Variants in EXD3 observed in about 807,000 individuals in gnomAD.
EXD3 encodes exonuclease mut-7 homolog.
In EXD3, 92 loss-of-function variants were observed where a neutral mutation model predicts 98.0. That is an observed-to-expected ratio of 0.94 (90% CI 0.79 to 1.12). The LOEUF is 1.12. Ranked by LOEUF, EXD3 falls within the 50% of genes most tolerant of loss-of-function variation. The pLI, the probability that EXD3 is intolerant of heterozygous loss-of-function variation, is 0.00. For missense variants in EXD3, 1,222 were observed against 1,191.6 expected, an observed-to-expected ratio of 1.03 and a Z score of -0.38; for synonymous variants, 569 against 526.0, an observed-to-expected ratio of 1.08 and a Z score of -1.12.
intron 1 of EXD3, among the ~76,000 whole-genome samples, chr9:137,406,134 T>G (rs999816341): frequency 6.6e-6 from 1 of 150,632 alleles, no homozygotes; most frequent in Non-Finnish European, 1.5e-5. Flanking sequence ...GAGGACCGCT[T>G]GAGCCCAGGA....
intron 1 of EXD3, among the ~76,000 whole-genome samples, chr9:137,419,802 A>G (rs1378920703): frequency 6.6e-6 from 1 of 152,176 alleles, no homozygotes; most frequent in Admixed American, 6.5e-5. Flanking sequence ...TAGACCAGAT[A>G]AAAACTTCCA....
At chr9:137,370,604 G>GAAA (rs71387830) in intron 5 of EXD3, among the ~76,000 whole-genome samples, 1 of 129,944 alleles carries the variant, frequency 7.7e-6, no homozygotes. Flanking sequence ...CTGCTTTCAG[G>GAAA]AAAAAAAAAA....
intron 3 of EXD3, among the ~76,000 whole-genome samples, chr9:137,377,839 G>A (rs1835997143): frequency 6.8e-6 from 1 of 146,014 alleles, no homozygotes; most frequent in Non-Finnish European, 1.5e-5. Context: ...TGTCGCCCAG[G>A]CTGGAGTGCA....
intron 1 of EXD3, among the ~76,000 whole-genome samples, chr9:137,402,970 G>A (rs28524646): frequency 0.28 from 43,082 of 151,944 alleles, 6,810 homozygotes; most frequent in Admixed American, 0.39. Flanking sequence ...AACAGCATGG[G>A]AAAGACCGGC....
chr9:137,384,930 A>G (rs1187210528), intron 2 of EXD3, among the ~76,000 whole-genome samples: 3 of 152,072 alleles, frequency 2.0e-5, no homozygotes, highest in Non-Finnish European at 4.4e-5. Context: ...TATCTCTACT[A>G]AAACTACAAA....
Position 137,326,112 on chromosome 9 carries a change from C to T in EXD3, c.1999-1969G>A, listed in dbSNP as rs1453890373. ...AAAAAAAAAGACTCTTAGAAGAAGA[C>T]ACAGGGGAACACTTCCTGGCGCTGT... On this transcript the variant is annotated intron_variant, in intron 17 of 21. Transcript: ENST00000340951. 2.7e-5 allele frequency among the ~76,000 whole-genome samples: 4 copies of T among 149,790 alleles called. No individual in the cohort carries two copies. In the East Asian group the frequency reaches 7.9e-4, roughly 30 times the overall value.
chr9:137,345,320 G>C (rs1360256650), intron 17 of EXD3, among the ~76,000 whole-genome samples: 1 of 152,200 alleles, frequency 6.6e-6, no homozygotes, highest in African/African-American at 2.4e-5. Flanking sequence ...ATCCTTATAT[G>C]AAACAATTAA....
intron 7 of EXD3, among the ~76,000 whole-genome samples, chr9:137,357,766 T>A (rs1834868084): frequency 6.6e-6 from 1 of 150,542 alleles, no homozygotes; most frequent in East Asian, 1.9e-4. Context: ...AAAGGTGAGT[T>A]TATTAAGTAT....
intron 19 of EXD3, among the ~76,000 whole-genome samples, chr9:137,319,324 G>A (rs992517716): frequency 1.3e-5 from 2 of 152,248 alleles, no homozygotes; most frequent in African/African-American, 2.4e-5. Context: ...CTGGGCCTGC[G>A]TGGTCCCGGG....
In EXD3 at chr9:137,385,537, TAA is replaced by T. The variant is rs757297934; in HGVS notation, c.56-2162_56-2161del. ...CAAAAGAGACTTTTATTTTGTTATT[TAA>T]GTTAATATTTTATTTAGAGACGGAG... On this transcript the variant is annotated intron_variant, in intron 2 of 21. Coordinates refer to ENST00000340951, the MANE Select transcript of EXD3 (RefSeq NM_017820.5). This position sits in a 1 kb window ranked among gnomAD's most constrained non-coding sequence, Gnocchi z 4.4. Among the ~76,000 whole-genome samples the T allele has an allele frequency of 1.4e-4, 21 of 152,148 alleles. No individual in the cohort carries two copies. Among genetic ancestry groups the T allele is most frequent in the Non-Finnish European group, 2.6e-4 (18 of 68,036 alleles).
chr9:137,399,423 T>A (rs1009613003), intron 1 of EXD3, among the ~76,000 whole-genome samples: 1 of 152,234 alleles, frequency 6.6e-6, no homozygotes, highest in Non-Finnish European at 1.5e-5. Context: ...TTACTTTGTC[T>A]TCTCATCTTT....
At chr9:137,316,107 G>C (rs1454583858) in intron 19 of EXD3, among the ~76,000 whole-genome samples, 1 of 151,296 alleles carries the variant, frequency 6.6e-6, no homozygotes, top group Non-Finnish European at 1.5e-5. Flanking sequence ...GCCTCGGCGG[G>C]GCGCGGCGCG....
chr9:137,330,435 A>ACTACACAGGACTACACAGGAG (rs1434803472), intron 17 of EXD3, among the ~76,000 whole-genome samples: 1 of 124,028 alleles, frequency 8.1e-6, no homozygotes, highest in African/African-American at 3.3e-5. Context: ...GCTACACAGG[A>ACTACACAGGACTACACAGGAG]CTACACAGGA....
At chr9:137,329,537 T>C (rs1198958987) in intron 17 of EXD3, among the ~76,000 whole-genome samples, 3 of 30,340 alleles carry the variant, frequency 9.9e-5, no homozygotes, top group Admixed American at 4.2e-4. Flanking sequence ...CTACACGGGG[T>C]CACACGGGAC....
intron 8 of EXD3, among the ~76,000 whole-genome samples, chr9:137,356,056 G>A (rs1448410727): frequency 6.6e-6 from 1 of 152,212 alleles, no homozygotes; most frequent in African/African-American, 2.4e-5. Context: ...GGAGCTCATA[G>A]ACCCGTTGGC....
Position 137,352,183 on chromosome 9 carries a change from C to G in EXD3, c.1056G>C (p.Ser352=), listed in dbSNP as rs377173192. ...CCTTCATGTCCTTCACCTCCAGCCTCGAGTCAGCCTCAGTCGCCCTGGGAG... is the reference window on the plus strand; with the variant it reads ...CCTTCATGTCCTTCACCTCCAGCCTGGAGTCAGCCTCAGTCGCCCTGGGAG... The part of the protein sequence containing the change: ...RLQGRATEAD[S]RLEVKDMKDR... The change falls in exon 12 of 22, where the codon TCG becomes TCC. Residue 352 remains serine (S), a synonymous_variant. Transcript: ENST00000340951. 6.2e-7 allele frequency: 1 copy of G among 1,612,726 alleles called. No individual in the cohort carries two copies. The highest frequency in any genetic ancestry group is 8.5e-7 in the Non-Finnish European group (1 of 1,179,734).
At chr9:137,340,777 C>T (rs985204593) in intron 17 of EXD3, among the ~76,000 whole-genome samples, 2 of 152,104 alleles carry the variant, frequency 1.3e-5, no homozygotes, top group African/African-American at 4.8e-5. Flanking sequence ...CCCTGGCCTC[C>T]CAAAGGGCTG....
At chr9:137,318,035 A>G (rs1831792070) in intron 19 of EXD3, among the ~76,000 whole-genome samples, 1 of 151,980 alleles carries the variant, frequency 6.6e-6, no homozygotes, top group Non-Finnish European at 1.5e-5. Flanking sequence ...CTGTCTATCA[A>G]CTGAGCACAG....
chr9:137,398,571 C>A (rs183296884), intron 1 of EXD3, among the ~76,000 whole-genome samples: 4 of 151,590 alleles, frequency 2.6e-5, no homozygotes, highest in Admixed American at 2.6e-4. Flanking sequence ...GCAACCGCGT[C>A]CCCAAGACAC....
Sources: gnomAD v4.1 joint callset for allele counts (sites outside exome capture counted in the v4.1 genomes callset) on GRCh38, gnomAD v4.1.1 for gene constraint, Gnocchi (gnomAD v3.1) non-coding constraint, MANE v1.5 for transcripts, NCBI Gene and HGNC (gene_info 2026-07-23, HGNC 2026-07-21) for gene names.